EPM2A: variants seen among roughly 807,000 people sequenced by gnomAD.
EPM2A encodes the protein EPM2A glucan phosphatase, laforin.
EPM2A carries 21 observed loss-of-function variants against 26.5 expected under a neutral mutation model. That is an observed-to-expected ratio of 0.79 (90% CI 0.56 to 1.14). The LOEUF is 1.14. Ranked by LOEUF, EPM2A falls within the 50% of genes most tolerant of loss-of-function variation. The pLI is 0.00. For missense variants in EPM2A, 458 were observed against 440.8 expected (o/e 1.04, Z -0.35); for synonymous variants, 217 against 177.6 (o/e 1.22, Z -1.76).
At chr6:145,414,543 T>A (rs924240504) in intron 4 of EPM2A, among the ~76,000 whole-genome samples, 3 of 152,136 alleles carry the variant, frequency 2.0e-5, no homozygotes, top group African/African-American at 7.2e-5. Flanking sequence ...TAATTTCTCA[T>A]AGAGGATCTA....
At chr6:145,501,418 G>A (rs1366066378), downstream of EPM2A, among the ~76,000 whole-genome samples, 1 of 152,070 alleles carries the variant, frequency 6.6e-6, no homozygotes, top group African/African-American at 2.4e-5. Context: ...TTGTCCTTTT[G>A]GTTGTCCCAA....
intron 2 of EPM2A, among the ~76,000 whole-genome samples, chr6:145,655,846 C>A (rs532316220): frequency 6.6e-6 from 1 of 152,090 alleles, no homozygotes; most frequent in Admixed American, 6.5e-5. Context: ...GTTATAAATA[C>A]ATGAATGTGT....
chr6:145,513,458 A>C (rs421690), intron 2 of EPM2A, among the ~76,000 whole-genome samples: 68,464 of 152,012 alleles, frequency 0.45, 15,457 homozygotes, highest in South Asian at 0.58. Flanking sequence ...TGGGAATGTA[A>C]ATTAGTTCAA....
Position 145,686,314 on chromosome 6 carries a change from G to T in EPM2A, c.302-18C>A, listed in dbSNP as rs1264146123. The T allele has an allele frequency of 1.2e-6, 2 of 1,602,878 alleles. No homozygotes were observed. The highest frequency in any genetic ancestry group is 1.7e-5 in the Admixed American group (1 of 59,890). On this transcript the variant is annotated intron_variant, in intron 1 of 3. Coordinates refer to ENST00000367519, the MANE Select transcript of EPM2A (RefSeq NM_005670.4). ...TCCATTGCCTAGAACAAGAAAAAAT[G>T]ATAAACAGAGCAATTAAATCAGTGT...
chr6:145,403,856 G>A (rs1349444521), intron 4 of EPM2A, among the ~76,000 whole-genome samples: 1 of 152,084 alleles, frequency 6.6e-6, no homozygotes, highest in Non-Finnish European at 1.5e-5. Flanking sequence ...TTCCCTAGTG[G>A]TTGTACTAAT....
At chr6:145,718,155 T>C (rs1359364270) in intron 1 of EPM2A, among the ~76,000 whole-genome samples, 43 of 152,102 alleles carry the variant, frequency 2.8e-4, no homozygotes, top group African/African-American at 6.5e-4. Context: ...GAGCCTGCAT[T>C]GCCAAGTCAA....
intron 4 of EPM2A, among the ~76,000 whole-genome samples, chr6:145,466,520 T>C (rs1163265284): frequency 6.6e-6 from 1 of 151,820 alleles, no homozygotes; most frequent in East Asian, 1.9e-4. Flanking sequence ...TGTGGAGAAA[T>C]AGGAACACTT....
intron 2 of EPM2A, chr6:145,635,706 G>A (rs1298546015): frequency 1.9e-6 from 1 of 533,554 alleles, no homozygotes; most frequent in East Asian, 3.3e-5. Context: ...TAGAACGCCA[G>A]GAAATGGACA....
intron 4 of EPM2A, among the ~76,000 whole-genome samples, chr6:145,421,790 G>A (rs1014882368): frequency 1.3e-5 from 2 of 151,356 alleles, no homozygotes; most frequent in Non-Finnish European, 3.0e-5. Context: ...TAAAAAAACA[G>A]GCTTTCAACA....
intron 2 of EPM2A, among the ~76,000 whole-genome samples, chr6:145,647,142 T>C (rs1582960295): frequency 6.6e-6 from 1 of 152,162 alleles, no homozygotes; most frequent in Admixed American, 6.5e-5. Flanking sequence ...TGAAACCCAC[T>C]CCGTATCCTG....
intron 4 of EPM2A, among the ~76,000 whole-genome samples, chr6:145,393,501 G>GT (rs905033881): frequency 3.3e-5 from 5 of 152,084 alleles, no homozygotes; most frequent in African/African-American, 1.2e-4. Context: ...CGCCAGAACA[G>GT]TTTTTTTCCC....
At chr6:145,611,288 G>T (rs1358671549) in intron 2 of EPM2A, among the ~76,000 whole-genome samples, 1 of 151,938 alleles carries the variant, frequency 6.6e-6, no homozygotes, top group East Asian at 1.9e-4. Context: ...TATTTTGCAT[G>T]AATATTCAGA....
chr6:145,413,805 G>A lies in EPM2A; in HGVS notation c.556-29708C>T, dbSNP rs150144771. Among the ~76,000 whole-genome samples the A allele has an allele frequency of 2.0e-4, 31 of 152,246 alleles. No homozygotes were observed. In the East Asian group the frequency reaches 5.0e-3, roughly 25 times the overall value. On this transcript the variant is annotated intron_variant, in intron 4 of 4. Transcript: ENST00000638717. Reference sequence around the variant, plus strand: ...GCTTATTTTCACGTAAAAACTCCTCGCAAGTAGACGGAAGCATTTACACAC... The same window carrying A: ...GCTTATTTTCACGTAAAAACTCCTCACAAGTAGACGGAAGCATTTACACAC...
At chr6:145,491,944 G>A (rs966297311) in intron 4 of EPM2A, 4 of 462,682 alleles carry the variant, frequency 8.6e-6, no homozygotes, top group African/African-American at 8.1e-5. Flanking sequence ...AGCCAAAAGA[G>A]CCTTGTGAGC....
chr6:145,535,160 T>TGGATC (rs1245743710), intron 2 of EPM2A, among the ~76,000 whole-genome samples: 1 of 152,194 alleles, frequency 6.6e-6, no homozygotes, highest in Non-Finnish European at 1.5e-5. Context: ...GCCGCACCCT[T>TGGATC]GGATCATGAG....
At chr6:145,464,470 T>C (rs1403610648) in intron 4 of EPM2A, among the ~76,000 whole-genome samples, 1 of 152,176 alleles carries the variant, frequency 6.6e-6, no homozygotes, top group Non-Finnish European at 1.5e-5. Flanking sequence ...GTGGAGATTA[T>C]TAAGCTTTGT....
intron 2 of EPM2A, chr6:145,502,589 G>T (rs545507166): frequency 1.5e-4 from 70 of 470,920 alleles, no homozygotes; most frequent in South Asian, 1.1e-3. Context: ...GAAAAAGGAG[G>T]AGAGGAGTGG....
intron 4 of EPM2A, among the ~76,000 whole-genome samples, chr6:145,493,620 CGGTTT>C: frequency 6.6e-6 from 1 of 152,098 alleles, no homozygotes; most frequent in South Asian, 2.1e-4. Context: ...CGTTGGCTGT[CGGTTT>C]GTCATATATG....
At chr6:145,441,157 T>C (rs977048283) in intron 4 of EPM2A, among the ~76,000 whole-genome samples, 3 of 152,212 alleles carry the variant, frequency 2.0e-5, no homozygotes, top group Non-Finnish European at 2.9e-5. Flanking sequence ...TTCTTGACTT[T>C]CATGCACCCA....
Sources: gnomAD v4.1 joint callset for allele counts (sites outside exome capture counted in the v4.1 genomes callset) on GRCh38, gnomAD v4.1.1 for gene constraint, MANE v1.5 for transcripts, NCBI Gene and HGNC (gene_info 2026-07-23, HGNC 2026-07-21) for gene names.